The following THSD7B variants were observed in gnomAD, a reference collection of about 807,000 sequenced individuals.
THSD7B encodes the protein thrombospondin type-1 domain-containing protein 7B.
In THSD7B, 138 loss-of-function variants were observed where a neutral mutation model predicts 213.6. The observed-to-expected ratio is 0.65, with a 90% CI of 0.56 to 0.74. THSD7B has a LOEUF of 0.74. Among genes scored for constraint, THSD7B ranks in the 30% least tolerant of loss-of-function variants. THSD7B has a pLI of 0.00. For missense variants in THSD7B, 1,931 were observed against 1,991.5 expected (o/e 0.97, Z 0.58); for synonymous variants, 742 against 687.0 (o/e 1.08, Z -1.25).
intron 12 of THSD7B, among the ~76,000 whole-genome samples, chr2:137,395,965 T>A (rs1442069442): frequency 6.6e-6 from 1 of 152,180 alleles, no homozygotes; most frequent in African/African-American, 2.4e-5. Flanking sequence ...GTGTTTGTAG[T>A]GTTCTCTGAT....
chr2:136,873,760 A>G (rs1683481873), intron 1 of THSD7B, among the ~76,000 whole-genome samples: 1 of 152,152 alleles, frequency 6.6e-6, no homozygotes, highest in African/African-American at 2.4e-5. Flanking sequence ...GCACTCATCT[A>G]TACACTTTAT....
Position 137,618,393 on chromosome 2 carries a change from G to A in THSD7B, c.3567G>A (p.Glu1189=), listed in dbSNP as rs774147279. Residue 1189 remains glutamate, a splice_region_variant and synonymous_variant, in exon 19 of 28, where the codon GAG becomes GAA. Coordinates refer to ENST00000409968, the MANE Select transcript of THSD7B (RefSeq NM_001316349.2). The part of the protein sequence containing the change: ...NCFQFQYNLT[E]WSTCQLSENA... Reference sequence around the variant, plus strand: ...GTGTGGGTGATCCTATGCCTGTAGAGTGGAGCACATGCCAGCTGAGTGAAA... The same window carrying A: ...GTGTGGGTGATCCTATGCCTGTAGAATGGAGCACATGCCAGCTGAGTGAAA... The A allele has an allele frequency of 2.5e-6, 4 of 1,613,690 alleles. No homozygotes were observed. Among genetic ancestry groups the A allele is most frequent in the Non-Finnish European group, 3.4e-6 (4 of 1,179,788 alleles).
At chr2:136,868,233 A>G (rs1189172566) in intron 1 of THSD7B, among the ~76,000 whole-genome samples, 1 of 152,188 alleles carries the variant, frequency 6.6e-6, no homozygotes, top group African/African-American at 2.4e-5. Context: ...ACAGGGAAAA[A>G]AGAATTTAAA....
At chr2:137,286,787 C>T (rs180709125) in intron 12 of THSD7B, among the ~76,000 whole-genome samples, 134 of 152,238 alleles carry the variant, frequency 8.8e-4, no homozygotes, top group African/African-American at 3.0e-3. Context: ...AATGAGCTAC[C>T]TTATCCACGA....
chr2:136,917,949 T>C (rs1448084885), intron 2 of THSD7B, among the ~76,000 whole-genome samples: 1 of 152,182 alleles, frequency 6.6e-6, no homozygotes, highest in Non-Finnish European at 1.5e-5. Context: ...GAACACTAAT[T>C]GCAGTTCCAG....
At chr2:137,582,608 T>C (rs1681606564) in intron 17 of THSD7B, among the ~76,000 whole-genome samples, 1 of 151,760 alleles carries the variant, frequency 6.6e-6, no homozygotes, top group Admixed American at 6.6e-5. Context: ...TTTGTCCTTG[T>C]GATAGTTTGC....
At position 137,261,116 on chromosome 2, in the gene THSD7B, A is replaced by G. The variant is rs531918455; in HGVS notation, c.2267-11417A>G. On this transcript the variant is annotated intron_variant, in intron 10 of 27. Coordinates refer to ENST00000409968, the MANE Select transcript of THSD7B (RefSeq NM_001316349.2). ...GTGTGAGCCACCTTGCCTGGCCCTT[A>G]CTAGGCTTTAAGCACTACAATAAGA... Among the ~76,000 whole-genome samples, 3 of 152,116 alleles carry G rather than the reference A, an allele frequency of 2.0e-5. No individual in the cohort carries two copies. The South Asian group carries it at 6.2e-4, about 32-fold the overall frequency.
chr2:137,198,692 T>C (rs1680815756), intron 7 of THSD7B, among the ~76,000 whole-genome samples: 2 of 152,166 alleles, frequency 1.3e-5, no homozygotes, highest in Admixed American at 6.6e-5. Context: ...TAAATGGGAA[T>C]ATATATTCTG....
intron 15 of THSD7B, among the ~76,000 whole-genome samples, chr2:137,493,505 C>A (rs1372330599): frequency 6.6e-6 from 1 of 152,182 alleles, no homozygotes; most frequent in Non-Finnish European, 1.5e-5. Flanking sequence ...TTTACACACT[C>A]GTACGGTGAC....
chr2:137,675,124 CTATT>C (rs1023158916), intron 27 of THSD7B, among the ~76,000 whole-genome samples: 2 of 151,830 alleles, frequency 1.3e-5, no homozygotes, highest in Non-Finnish European at 2.9e-5. Flanking sequence ...ATATCAAAAT[CTATT>C]TGGGCAGAAA....
At chr2:136,865,725 C>T (rs1362535698) in intron 1 of THSD7B, among the ~76,000 whole-genome samples, 2 of 152,194 alleles carry the variant, frequency 1.3e-5, no homozygotes, top group African/African-American at 4.8e-5. Context: ...ATAGTACCAT[C>T]AGTTAGGAAG....
chr2:137,490,925 T>A (rs1573657744), intron 15 of THSD7B, among the ~76,000 whole-genome samples: 1 of 152,254 alleles, frequency 6.6e-6, no homozygotes, highest in African/African-American at 2.4e-5. Context: ...AACCAGATTT[T>A]ATCCAAACAT....
At chr2:137,339,134 CAA>C (rs59729205) in intron 12 of THSD7B, among the ~76,000 whole-genome samples, 5,290 of 152,014 alleles carry the variant, frequency 0.035, 300 homozygotes, top group African/African-American at 0.12. Flanking sequence ...GAAGATAAAT[CAA>C]AGACTGATCC....
At chr2:137,101,059 G>A (rs1253765124) in intron 4 of THSD7B, among the ~76,000 whole-genome samples, 1 of 152,052 alleles carries the variant, frequency 6.6e-6, no homozygotes, top group Non-Finnish European at 1.5e-5. Flanking sequence ...GTTTTGAAAT[G>A]GACTCTCCCT....
intron 18 of THSD7B, among the ~76,000 whole-genome samples, chr2:137,618,100 G>C (rs760318662): frequency 6.6e-6 from 1 of 152,056 alleles, no homozygotes; most frequent in Non-Finnish European, 1.5e-5. Context: ...TACCATCCTG[G>C]TTAGTATCTT....
intron 1 of THSD7B, among the ~76,000 whole-genome samples, chr2:136,845,845 A>G (rs938704640): frequency 2.0e-5 from 3 of 152,198 alleles, no homozygotes; most frequent in African/African-American, 7.2e-5. Flanking sequence ...TTATTCCTGA[A>G]CATTTGGAAA....
intron 1 of THSD7B, among the ~76,000 whole-genome samples, chr2:136,808,897 T>C (rs1434230024): frequency 6.6e-6 from 1 of 152,180 alleles, no homozygotes; most frequent in Non-Finnish European, 1.5e-5. Context: ...CTAAGTTATC[T>C]TTTTAAGGTC....
chr2:137,282,101 T>G (rs1274555942), intron 12 of THSD7B, among the ~76,000 whole-genome samples: 15 of 149,596 alleles, frequency 1.0e-4, no homozygotes, highest in South Asian at 6.4e-4. Context: ...CCATTCTAAC[T>G]GGTGTGAGAT....
At chr2:137,444,560 T>G (rs10207994) in intron 14 of THSD7B, among the ~76,000 whole-genome samples, 34,708 of 151,736 alleles carry the variant, frequency 0.23, 4,147 homozygotes, top group South Asian at 0.28. Context: ...GCTAGAAAAC[T>G]GGATATCCAT....
Sources: allele counts gnomAD v4.1 joint callset (sites outside exome capture counted in the v4.1 genomes callset), GRCh38; gene constraint gnomAD v4.1.1; transcripts MANE v1.5; gene names NCBI Gene and HGNC (gene_info 2026-07-23, HGNC 2026-07-21).